The following PLEKHF2 variants were observed in gnomAD, a reference collection of about 807,000 sequenced individuals.
PLEKHF2 encodes the protein pleckstrin homology and FYVE domain containing 2, also known as pleckstrin homology domain-containing family F member 2.
In PLEKHF2, 4 loss-of-function variants were observed where a neutral mutation model predicts 14.7. The observed-to-expected ratio is 0.27, with a 90% CI of 0.13 to 0.62. PLEKHF2 has a LOEUF of 0.62. Ranked by LOEUF, PLEKHF2 falls within the 20% of genes least tolerant of loss-of-function variation. The pLI, the probability that PLEKHF2 is intolerant of heterozygous loss-of-function variation, is 0.85. For missense variants in PLEKHF2, 201 were observed against 307.7 expected, an observed-to-expected ratio of 0.65 and a Z score of 2.60; for synonymous variants, 90 against 103.5, an observed-to-expected ratio of 0.87 and a Z score of 0.79.
chr8:95,145,762 T>G (rs554870335), intron 1 of PLEKHF2, among the ~76,000 whole-genome samples: 1 of 152,200 alleles, frequency 6.6e-6, no homozygotes, highest in Non-Finnish European at 1.5e-5. Context: ...AATGATTTAT[T>G]GAGACTCTTA....
chr8:95,154,301 C>T lies in PLEKHF2; in HGVS notation c.257C>T (p.Thr86Ile). ...CATATTATTCCCCTGGAAAATGTCACTATTGATTCCATCAAAGATGAGGGA... is the reference window on the plus strand; with the variant it reads ...CATATTATTCCCCTGGAAAATGTCATTATTGATTCCATCAAAGATGAGGGA... Reference protein sequence around the residue: ...KQHIIPLENVTIDSIKDEGDL... With the variant: ...KQHIIPLENVIIDSIKDEGDL... The change falls in exon 2 of 2, where the codon ACT becomes ATT. Residue 86 changes from threonine to isoleucine, a missense_variant. Thr to Ile is a moderately conservative substitution (Grantham distance 89). Transcript: ENST00000315367. This position sits in a 1 kb window ranked among gnomAD's most constrained non-coding sequence, Gnocchi z 5.6. 6.2e-7 allele frequency: 1 copy of T among 1,614,060 alleles called. No homozygotes were observed. Among genetic ancestry groups the T allele is most frequent in the Admixed American group, 1.7e-5 (1 of 60,012 alleles).
chr8:95,148,942 CTG>C (rs1810530226), intron 1 of PLEKHF2, among the ~76,000 whole-genome samples: 1 of 151,904 alleles, frequency 6.6e-6, no homozygotes, highest in Non-Finnish European at 1.5e-5. Context: ...AAGAAAAGAT[CTG>C]TAAGTTTAAC....
chr8:95,143,780 G>A (rs1347994205), intron 1 of PLEKHF2, among the ~76,000 whole-genome samples: 3 of 152,208 alleles, frequency 2.0e-5, no homozygotes, highest in Non-Finnish European at 4.4e-5. Context: ...ACTGTGAAGG[G>A]CTTTGAATAC....
chr8:95,138,565 A>G (rs533337658), intron 1 of PLEKHF2, among the ~76,000 whole-genome samples: 19 of 148,630 alleles, frequency 1.3e-4, no homozygotes, highest in African/African-American at 4.6e-4. Context: ...GGCTTTGTCT[A>G]TGAGAGAATG....
intron 1 of PLEKHF2, among the ~76,000 whole-genome samples, chr8:95,151,639 C>G (rs532593552): frequency 6.6e-6 from 1 of 151,850 alleles, no homozygotes; most frequent in Non-Finnish European, 1.5e-5. Context: ...AATGTAAACC[C>G]TGAAGAGCAG....
chr8:95,135,630 C>T (rs1164519811), intron 1 of PLEKHF2, among the ~76,000 whole-genome samples: 1 of 152,160 alleles, frequency 6.6e-6, no homozygotes, highest in African/African-American at 2.4e-5. Flanking sequence ...TTGCCAATTT[C>T]TGTTGTTCTT....
At chr8:95,134,725 A>G (rs1327512024) in intron 1 of PLEKHF2, among the ~76,000 whole-genome samples, 1 of 152,164 alleles carries the variant, frequency 6.6e-6, no homozygotes, top group Non-Finnish European at 1.5e-5. Flanking sequence ...CATTCCAGCA[A>G]TAACTTGAGT....
chr8:95,151,243 TATTA>T (rs371455979), intron 1 of PLEKHF2, among the ~76,000 whole-genome samples: 191 of 152,282 alleles, frequency 1.3e-3, no homozygotes, highest in African/African-American at 4.3e-3. Context: ...TTTATGATAG[TATTA>T]ATTCTCATAG....
At position 95,133,804 on chromosome 8, in the gene PLEKHF2, C is replaced by G. The variant is rs538961315; in HGVS notation, c.-241C>G. 6.6e-5 allele frequency: 10 copies of G among 151,906 alleles called. No homozygotes were observed. The highest frequency in any genetic ancestry group is 2.4e-4 in the African/African-American group (10 of 41,514). 9.4% of individuals were successfully genotyped at this position (151,906 alleles called of 1,614,324 possible). ...CAGGGGAGAGGCCAGCCCAGGCAGC[C>G]GTTGTCGGGTTCGACTGGAGGGGCG... On this transcript the variant is annotated 5_prime_UTR_variant, in exon 1 of 2. Transcript: ENST00000315367.
intron 1 of PLEKHF2, among the ~76,000 whole-genome samples, chr8:95,145,510 A>G (rs1587307187): frequency 6.7e-6 from 1 of 149,510 alleles, no homozygotes; most frequent in East Asian, 2.0e-4. Context: ...TGCCAGCTCC[A>G]CTTCTCGGGT....
intron 1 of PLEKHF2, among the ~76,000 whole-genome samples, chr8:95,140,855 T>A (rs765551799): frequency 1.2e-4 from 18 of 152,368 alleles, no homozygotes; most frequent in Non-Finnish European, 2.5e-4. Flanking sequence ...CCTCTGCTGT[T>A]TTAGACTTTG....
intron 1 of PLEKHF2, among the ~76,000 whole-genome samples, chr8:95,137,145 G>A (rs373295562): frequency 7.3e-4 from 111 of 152,326 alleles, no homozygotes; most frequent in African/African-American, 2.5e-3. Context: ...TGAACAAGCC[G>A]CTTCACTTCT....
In PLEKHF2 at chr8:95,143,093, C is replaced by CTG. The variant is rs1554696236; in HGVS notation, c.-15+9064_-15+9065insGT. Among the ~76,000 whole-genome samples, 50 of 141,070 alleles carry CTG rather than the reference C, an allele frequency of 3.5e-4. 1 individual carries two copies. The South Asian group carries it at 7.4e-3, about 21-fold the overall frequency. The allele number at this position is 141,070 out of a possible 152,430, so 92.5% of individuals were successfully genotyped here. A position where few individuals can be genotyped will look rare whatever the true frequency, so the allele number is the denominator to read the frequency against. On this transcript the variant is annotated intron_variant, in intron 1 of 1. Transcript: ENST00000315367. ...CAAATACAAAGTTGGAGGAAATAAT[C>CTG]TTTTTTTTTTTTTTTCTTTTTTTTG... is the stretch of plus-strand genomic sequence containing the variant.
intron 1 of PLEKHF2, among the ~76,000 whole-genome samples, chr8:95,140,789 G>GT (rs34384137): frequency 0.16 from 24,519 of 151,762 alleles, 2,161 homozygotes; most frequent in Non-Finnish European, 0.18. Context: ...CTTTACCACT[G>GT]TTTTTTTTGT....
chr8:95,154,358 C>T lies in PLEKHF2; in HGVS notation c.314C>T (p.Pro105Leu). The T allele has an allele frequency of 6.2e-7, 1 of 1,613,838 alleles. No individual in the cohort carries two copies. The highest frequency in any genetic ancestry group is 8.5e-7 in the Non-Finnish European group (1 of 1,179,876). ...DLRNGWLIKTPTKSFAVYAAT... is the reference protein window; with the variant it reads ...DLRNGWLIKTLTKSFAVYAAT... ...AGGAATGGATGGCTAATCAAGACAC[C>T]AACTAAATCTTTTGCAGTTTATGCT... is the stretch of plus-strand genomic sequence containing the variant. The change falls in exon 2 of 2, where the codon CCA (proline) becomes CTA (leucine). Residue 105 changes from proline to leucine, a missense_variant. Physicochemically the swap from Pro to Leu is moderately conservative, Grantham distance 98. Transcript: ENST00000315367. This position sits in a 1 kb window ranked among gnomAD's most constrained non-coding sequence, Gnocchi z 5.6.
chr8:95,142,511 T>A (rs1252369205), intron 1 of PLEKHF2, among the ~76,000 whole-genome samples: 2 of 152,222 alleles, frequency 1.3e-5, no homozygotes, highest in African/African-American at 4.8e-5. Flanking sequence ...TGCCACGGCC[T>A]CCCAAAGTGC....
rs1179281009 is a variant in PLEKHF2, at chr8:95,156,060, GAAGT to G, written c.*1269_*1272del. The stretch of plus-strand genomic sequence containing the variant: ...TTAAGTCAATCTAGATTTATTTTGA[GAAGT>G]AATTGTTCACTCTTTACTTTTGAGG... On this transcript the variant is annotated 3_prime_UTR_variant, in exon 2 of 2. Coordinates refer to ENST00000315367, the MANE Select transcript of PLEKHF2 (RefSeq NM_024613.4). 1.2e-5 allele frequency: 2 copies of G among 166,948 alleles called. No individual in the cohort carries two copies. The highest frequency in any genetic ancestry group is 4.8e-5 in the African/African-American group (2 of 41,422). The allele number at this position is 166,948 out of a possible 1,614,324, so 10.3% of individuals were successfully genotyped here.
intron 1 of PLEKHF2, among the ~76,000 whole-genome samples, chr8:95,144,067 A>C (rs115377425): frequency 6.6e-6 from 1 of 151,622 alleles, no homozygotes; most frequent in Non-Finnish European, 1.5e-5. Context: ...CTCATTAGCT[A>C]TCATTAATGT....
intron 1 of PLEKHF2, among the ~76,000 whole-genome samples, chr8:95,135,497 G>A (rs1810365662): frequency 6.6e-6 from 1 of 151,972 alleles, no homozygotes; most frequent in Non-Finnish European, 1.5e-5. Flanking sequence ...TCAAACTCCC[G>A]GGGCCCAGGT....
Sources: gnomAD v4.1 joint callset for allele counts (sites outside exome capture counted in the v4.1 genomes callset) on GRCh38, gnomAD v4.1.1 for gene constraint, Gnocchi (gnomAD v3.1) non-coding constraint, MANE v1.5 for transcripts, NCBI Gene and HGNC (gene_info 2026-07-23, HGNC 2026-07-21) for gene names.